KAT7: variants seen among roughly 807,000 people sequenced by gnomAD.
KAT7 encodes histone acetyltransferase KAT7.
KAT7 carries 10 observed loss-of-function variants against 82.1 expected under a neutral mutation model. The observed-to-expected ratio is 0.12, with a 90% CI of 0.08 to 0.21. The LOEUF is 0.21. Among genes scored for constraint, KAT7 ranks in the 10% least tolerant of loss-of-function variants. The pLI is 1.00. For missense variants in KAT7, 378 were observed against 760.9 expected (o/e 0.50, Z 5.92); for synonymous variants, 250 against 262.5 (o/e 0.95, Z 0.46).
At position 49,823,315 on chromosome 17, in the gene KAT7, C is replaced by T. The variant is rs766181586; in HGVS notation, c.1480+20C>T. 4 of 1,276,352 alleles carry T rather than the reference C, an allele frequency of 3.1e-6. No individual in the cohort carries two copies. The African/African-American group carries it at 5.9e-5, about 19-fold the overall frequency. The allele number at this position is 1,276,352 out of a possible 1,614,324, so 79.1% of individuals were successfully genotyped here. The stretch of plus-strand genomic sequence containing the variant: ...ATTTCAGTAAGTGAAACTGCTAAGT[C>T]ATTAGTTCCACAAGGCAGGGACCAT... On this transcript the variant is annotated intron_variant, in intron 12 of 14. Coordinates refer to ENST00000259021, the MANE Select transcript of KAT7 (RefSeq NM_007067.5).
chr17:49,811,909 A>G (rs754269719), intron 7 of KAT7, among the ~76,000 whole-genome samples: 8 of 152,230 alleles, frequency 5.3e-5, no homozygotes, highest in Non-Finnish European at 1.2e-4. Context: ...GTATGAAGAA[A>G]AATATTCAAG....
chr17:49,827,168 T>A (rs2074377963), intron 14 of KAT7: 1 of 522,208 alleles, frequency 1.9e-6, no homozygotes, highest in Non-Finnish European at 3.4e-6. Flanking sequence ...AATTATTTCA[T>A]ATATACAATA....
At chr17:49,790,341 C>T (rs1400193977) in intron 1 of KAT7, among the ~76,000 whole-genome samples, 1 of 152,118 alleles carries the variant, frequency 6.6e-6, no homozygotes, top group Admixed American at 6.6e-5. Context: ...GGATTACAGG[C>T]GGATTCCATG....
At position 49,792,204 on chromosome 17, in the gene KAT7, G is replaced by C. The variant is rs181548677; in HGVS notation, c.163+171G>C. Among the ~76,000 whole-genome samples the C allele has an allele frequency of 4.6e-5, 7 of 152,306 alleles. 1 individual carries two copies. The East Asian group carries it at 1.3e-3, about 29-fold the overall frequency. On this transcript the variant is annotated intron_variant, in intron 2 of 14. Coordinates refer to ENST00000259021, the MANE Select transcript of KAT7 (RefSeq NM_007067.5). ...GCAGAGTTGTCAGGTCTTTAACAAT[G>C]CCTCTGTGGGGGGCTACTATCCAAT...
intron 2 of KAT7, among the ~76,000 whole-genome samples, chr17:49,793,494 G>A (rs1269009235): frequency 6.6e-6 from 1 of 151,876 alleles, no homozygotes; most frequent in Non-Finnish European, 1.5e-5. Context: ...ACAGAAAGCC[G>A]ATGATCAACA....
At chr17:49,792,699 AT>A (rs1483427976) in intron 2 of KAT7, among the ~76,000 whole-genome samples, 1 of 152,212 alleles carries the variant, frequency 6.6e-6, no homozygotes, top group Non-Finnish European at 1.5e-5. Context: ...TTTATTAAAA[AT>A]AGGCTTTGTG....
chr17:49,822,289 A>T (rs1464148416), intron 11 of KAT7, among the ~76,000 whole-genome samples: 2 of 150,984 alleles, frequency 1.3e-5, no homozygotes, highest in East Asian at 3.9e-4. Context: ...GTACAGAGGT[A>T]TGACCTTGAC....
chr17:49,795,316 G>A (rs1425707736), intron 2 of KAT7: 2 of 170,078 alleles, frequency 1.2e-5, no homozygotes, highest in Non-Finnish European at 2.6e-5. Context: ...GGGCTTACAC[G>A]GAGGGAATTG....
At chr17:49,789,151 G>A in intron 1 of KAT7, 1 of 282,350 alleles carries the variant, frequency 3.5e-6, no homozygotes. Flanking sequence ...GGGCTCAACG[G>A]TCACCTCCCC....
chr17:49,819,042 T>C (rs1279805269), intron 9 of KAT7, among the ~76,000 whole-genome samples: 1 of 152,160 alleles, frequency 6.6e-6, no homozygotes, highest in Non-Finnish European at 1.5e-5. Context: ...CAGCCCTTGT[T>C]CTCATAATCA....
rs1238372359 is a variant in KAT7 at position 49,834,711 on chromosome 17, A to G, written c.*7209A>G. 6.6e-6 allele frequency: 1 copy of G among 152,202 alleles called. No individual in the cohort carries two copies. Among genetic ancestry groups the G allele is most frequent in the East Asian group, 1.9e-4 (1 of 5,202 alleles). The allele number at this position is 152,202 out of a possible 1,614,324, so 9.4% of individuals were successfully genotyped here. A position where few individuals can be genotyped will look rare whatever the true frequency, so the allele number is the denominator to read the frequency against. ...TCCATTAAATACCAAAGTATAGGCAAAAAGTTCTGTGGTCAAATAAATTTG... is the reference window on the plus strand; with the variant it reads ...TCCATTAAATACCAAAGTATAGGCAGAAAGTTCTGTGGTCAAATAAATTTG... On this transcript the variant is annotated 3_prime_UTR_variant, in exon 15 of 15. Transcript: ENST00000259021.
chr17:49,790,172 C>T (rs1424370168), intron 1 of KAT7, among the ~76,000 whole-genome samples: 2 of 152,074 alleles, frequency 1.3e-5, no homozygotes, highest in African/African-American at 4.8e-5. Context: ...ATGACCTCAG[C>T]TGGTGGGTGG....
At chr17:49,823,823 T>A (rs1296633665) in intron 12 of KAT7, among the ~76,000 whole-genome samples, 1 of 152,222 alleles carries the variant, frequency 6.6e-6, no homozygotes, top group African/African-American at 2.4e-5. Flanking sequence ...GAGTCATGGA[T>A]GCACACATTC....
At chr17:49,819,603 CAAAT>C (rs2143963236) in intron 9 of KAT7, among the ~76,000 whole-genome samples, 1 of 152,216 alleles carries the variant, frequency 6.6e-6, no homozygotes, top group East Asian at 1.9e-4. Flanking sequence ...ATCTGAGAAT[CAAAT>C]AAACATTCTG....
intron 12 of KAT7, 76 bp from the exon 13 acceptor site, chr17:49,825,924 A>T: frequency 6.8e-7 from 1 of 1,470,114 alleles, no homozygotes; most frequent in East Asian, 2.3e-5. Context: ...ACCTTCTTCC[A>T]TGTTGGCACA....
chr17:49,799,392 T>G (rs537664610), intron 4 of KAT7, among the ~76,000 whole-genome samples: 1 of 152,332 alleles, frequency 6.6e-6, no homozygotes, highest in Non-Finnish European at 1.5e-5. Flanking sequence ...TTTGTTTGTT[T>G]GTTTTTGAGA....
chr17:49,804,611 A>G (rs2074068633), intron 4 of KAT7, among the ~76,000 whole-genome samples: 1 of 152,082 alleles, frequency 6.6e-6, no homozygotes, highest in African/African-American at 2.4e-5. Flanking sequence ...CGTTTCTACA[A>G]AAAATTTTAA....
chr17:49,803,769 G>C (rs2074055678), intron 4 of KAT7, among the ~76,000 whole-genome samples: 1 of 152,072 alleles, frequency 6.6e-6, no homozygotes, highest in African/African-American at 2.4e-5. Flanking sequence ...ATGATGGCCT[G>C]AATGTCCTAA....
chr17:49,826,905 C>T, intron 14 of KAT7, 106 bp downstream of exon 14: 1 of 663,988 alleles, frequency 1.5e-6, no homozygotes, highest in Non-Finnish European at 2.6e-6. Context: ...AGGAGTTGGG[C>T]TACACGCCCC....
Sources: gnomAD v4.1 joint callset for allele counts (sites outside exome capture counted in the v4.1 genomes callset) on GRCh38, gnomAD v4.1.1 for gene constraint, MANE v1.5 for transcripts, NCBI Gene and HGNC (gene_info 2026-07-23, HGNC 2026-07-21) for gene names.